KAT2B: variants seen among roughly 807,000 people sequenced by gnomAD.
KAT2B encodes the protein lysine acetyltransferase 2B.
A neutral mutation model predicts 105.9 loss-of-function variants in KAT2B; 36 were observed. The observed-to-expected ratio is 0.34, with a 90% CI of 0.26 to 0.45. The LOEUF (loss-of-function observed/expected upper bound fraction) is 0.45. Among genes scored for constraint, KAT2B ranks in the 20% least tolerant of loss-of-function variants. The pLI, the probability that KAT2B is intolerant of heterozygous loss-of-function variation, is 1.00. For synonymous variants in KAT2B, 397 were observed against 377.9 expected (o/e 1.05, Z -0.59); for missense variants, 820 against 1,021.6 (o/e 0.80, Z 2.69).
At chr3:20,077,900 C>T (rs1268054527) in intron 2 of KAT2B, among the ~76,000 whole-genome samples, 1 of 152,106 alleles carries the variant, frequency 6.6e-6, no homozygotes, top group Non-Finnish European at 1.5e-5. Context: ...TTGGGTCTTG[C>T]ATGGTGGCTC....
Position 20,072,387 on chromosome 3 carries a change from C to G in KAT2B, c.358C>G (p.Pro120Ala), listed in dbSNP as rs1259420053. 2 of 1,612,054 alleles carry G rather than the reference C, an allele frequency of 1.2e-6. No homozygotes were observed. Among genetic ancestry groups the G allele is most frequent in the Non-Finnish European group, 1.7e-6 (2 of 1,178,292 alleles). The part of the protein sequence containing the change: ...GWKNPNPSPT[P>A]PRADLQQIIV... ...GAAAAACCCTAACCCCTCACCCACT[C>G]CCCCCAGAGCCGACCTGCAGCAAAT... Residue 120 changes from proline to alanine, a missense_variant, in exon 2 of 18, where the codon CCC becomes GCC. Pro to Ala is a conservative substitution (Grantham distance 27). Coordinates refer to ENST00000263754, the MANE Select transcript of KAT2B (RefSeq NM_003884.5).
intron 1 of KAT2B, among the ~76,000 whole-genome samples, chr3:20,068,042 G>A (rs1165323953): frequency 6.7e-6 from 1 of 149,856 alleles, no homozygotes; most frequent in Admixed American, 6.7e-5. Context: ...TGTCACCCAG[G>A]CTGGACTGCA....
At position 20,093,439 on chromosome 3, in the gene KAT2B, A is replaced by G. The variant is rs138943712; in HGVS notation, c.431-1824A>G. 9.2e-5 allele frequency among the ~76,000 whole-genome samples: 14 copies of G among 152,294 alleles called. No homozygotes were observed. In the East Asian group the frequency reaches 2.7e-3, roughly 29 times the overall value. ...ATAGGTGGCAGAGTAGGTTACAGTG[A>G]TAAGAAAAGCCCTTAGGCCAAATGG... On this transcript the variant is annotated intron_variant, in intron 2 of 17. Coordinates refer to ENST00000263754, the MANE Select transcript of KAT2B (RefSeq NM_003884.5).
At chr3:20,122,983 C>T in intron 9 of KAT2B, 179 bp downstream of exon 9, 1 of 979,234 alleles carries the variant, frequency 1.0e-6, no homozygotes, top group Non-Finnish European at 1.2e-6. Flanking sequence ...GGTAATTCCC[C>T]TTGATGAATA....
At chr3:20,071,958 C>T (rs775076711) in intron 1 of KAT2B, among the ~76,000 whole-genome samples, 1 of 152,104 alleles carries the variant, frequency 6.6e-6, no homozygotes, top group African/African-American at 2.4e-5. Flanking sequence ...TTAGCCTAGA[C>T]CTTAGCTGTG....
At position 20,134,093 on chromosome 3, in the gene KAT2B, G is replaced by C. The variant is rs983668032; in HGVS notation, c.1750-2849G>C. Among the ~76,000 whole-genome samples, 8 of 152,040 alleles carry C rather than the reference G, an allele frequency of 5.3e-5. No homozygotes were observed. The South Asian group carries it at 8.3e-4, about 16-fold the overall frequency. ...TGATTACTTATGGTGCCTTGAAGAC[G>C]TTTTAAAATTTGAAGTATTCTACTT... On this transcript the variant is annotated intron_variant, in intron 11 of 17. Coordinates refer to ENST00000263754, the MANE Select transcript of KAT2B (RefSeq NM_003884.5).
chr3:20,144,988 G>A (rs1289326887), intron 13 of KAT2B, among the ~76,000 whole-genome samples: 7 of 151,704 alleles, frequency 4.6e-5, no homozygotes, highest in African/African-American at 1.7e-4. Flanking sequence ...GTAGAAATGG[G>A]GTTTCACCGT....
rs1350161768 is a variant in KAT2B at position 20,072,104 on chromosome 3, G to A, written c.304-229G>A. Among the ~76,000 whole-genome samples the A allele has an allele frequency of 2.0e-5, 3 of 152,192 alleles. No homozygotes were observed. In the East Asian group the frequency reaches 5.8e-4, roughly 29 times the overall value. ...AGTGTGTGGGTCAGCTGCGTGAGCT[G>A]TAGCATGCAGATTCCAGCCAGCAGA... On this transcript the variant is annotated intron_variant, in intron 1 of 17. Transcript: ENST00000263754.
chr3:20,148,077 A>T, intron 15 of KAT2B, 78 bp downstream of exon 15: 14 of 1,471,556 alleles, frequency 9.5e-6, no homozygotes, highest in Non-Finnish European at 1.3e-5. Context: ...GAAAAACGGC[A>T]AACTAATTGT....
chr3:20,047,522 T>C (rs1697835061), intron 1 of KAT2B, among the ~76,000 whole-genome samples: 1 of 152,148 alleles, frequency 6.6e-6, no homozygotes, highest in Non-Finnish European at 1.5e-5. Context: ...GCTTTTGAGT[T>C]AATGTATGCA....
chr3:20,103,230 C>T (rs1559314564), intron 5 of KAT2B, among the ~76,000 whole-genome samples: 1 of 151,994 alleles, frequency 6.6e-6, no homozygotes, highest in African/African-American at 2.4e-5. Context: ...GACGATAAGT[C>T]TCTCAAAAAT....
chr3:20,051,417 A>C (rs552658954), intron 1 of KAT2B, among the ~76,000 whole-genome samples: 1 of 152,202 alleles, frequency 6.6e-6, no homozygotes, highest in East Asian at 1.9e-4. Flanking sequence ...ATTCATGTGA[A>C]ATCCTGTTGC....
intron 2 of KAT2B, among the ~76,000 whole-genome samples, chr3:20,083,772 A>C (rs542161867): frequency 8.5e-5 from 13 of 152,240 alleles, no homozygotes; most frequent in Middle Eastern, 3.4e-3. Context: ...GGTGGCTGGT[A>C]ATGTGTGGAA....
At chr3:20,096,038 C>T (rs1017213563) in intron 3 of KAT2B, among the ~76,000 whole-genome samples, 2 of 152,008 alleles carry the variant, frequency 1.3e-5, no homozygotes, top group African/African-American at 2.4e-5. Context: ...TATTTTAGGC[C>T]GTGCACTAAG....
chr3:20,110,141 G>T (rs1699093459), intron 5 of KAT2B, among the ~76,000 whole-genome samples: 1 of 152,192 alleles, frequency 6.6e-6, no homozygotes, highest in African/African-American at 2.4e-5. Context: ...GCATTAGAAA[G>T]CTGTCTCCCA....
intron 1 of KAT2B, among the ~76,000 whole-genome samples, chr3:20,067,448 T>C (rs1698242215): frequency 6.6e-6 from 1 of 152,164 alleles, no homozygotes; most frequent in Admixed American, 6.5e-5. Flanking sequence ...CTCTGTCATG[T>C]TAAGACAAGA....
intron 3 of KAT2B, among the ~76,000 whole-genome samples, chr3:20,096,256 C>T (rs1048003714): frequency 3.9e-5 from 6 of 152,184 alleles, no homozygotes; most frequent in Admixed American, 2.6e-4. Context: ...CCGATTACTG[C>T]TGCCATTCCC....
chr3:20,138,132 G>A (rs6550360), intron 12 of KAT2B, among the ~76,000 whole-genome samples: 39,745 of 152,006 alleles, frequency 0.26, 7,976 homozygotes, highest in East Asian at 0.62. Flanking sequence ...ATGTAATAAA[G>A]CAAAAGAAGG....
intron 6 of KAT2B, among the ~76,000 whole-genome samples, chr3:20,112,984 T>C (rs1699147807): frequency 6.6e-6 from 1 of 152,236 alleles, no homozygotes; most frequent in Non-Finnish European, 1.5e-5. Flanking sequence ...TCATGGGTAA[T>C]TCTGATGGGC....
Sources: gnomAD v4.1 joint callset for allele counts (sites outside exome capture counted in the v4.1 genomes callset) on GRCh38, gnomAD v4.1.1 for gene constraint, MANE v1.5 for transcripts, NCBI Gene and HGNC (gene_info 2026-07-23, HGNC 2026-07-21) for gene names.